Variants in ABI2 observed in about 807,000 individuals in gnomAD.
ABI2 encodes abelson interactor 2.
A neutral mutation model predicts 59.2 loss-of-function variants in ABI2; 25 were observed. That is an observed-to-expected ratio of 0.42 (90% CI 0.31 to 0.59). The LOEUF (loss-of-function observed/expected upper bound fraction) is 0.59. Among genes scored for constraint, ABI2 ranks in the 20% least tolerant of loss-of-function variants. The pLI is 0.14. For synonymous variants in ABI2, 213 were observed against 235.5 expected (o/e 0.90, Z 0.87); for missense variants, 545 against 681.8 (o/e 0.80, Z 2.23).
At chr2:203,394,461 T>A in intron 5 of ABI2, 1 of 472,074 alleles carries the variant, frequency 2.1e-6, no homozygotes. Context: ...TGAGAATAAA[T>A]GAACAAAATT....
intron 3 of ABI2, among the ~76,000 whole-genome samples, chr2:203,381,814 A>AT (rs1206681058): frequency 6.6e-6 from 1 of 152,160 alleles, no homozygotes; most frequent in African/African-American, 2.4e-5. Context: ...AAGTAATCCC[A>AT]TTTTTTTAAA....
chr2:203,362,840 C>CT (rs1489715298), intron 1 of ABI2, among the ~76,000 whole-genome samples: 2 of 150,428 alleles, frequency 1.3e-5, no homozygotes, highest in African/African-American at 4.9e-5. Flanking sequence ...ATTTTAAATA[C>CT]TTTTTTGTTT....
intron 1 of ABI2, among the ~76,000 whole-genome samples, chr2:203,342,668 C>T (rs954377544): frequency 2.0e-5 from 3 of 151,912 alleles, no homozygotes; most frequent in African/African-American, 7.2e-5. Context: ...CAGCCTCTGC[C>T]TCCTGGTCTC....
intron 2 of ABI2, 175 bp downstream of exon 2, chr2:203,367,219 C>G (rs966164479): frequency 1.2e-6 from 1 of 847,218 alleles, no homozygotes; most frequent in South Asian, 4.6e-5. Context: ...TGGTTATCTT[C>G]TCTGTGATTT....
intron 10 of ABI2, among the ~76,000 whole-genome samples, chr2:203,415,393 G>A (rs1225588406): frequency 5.3e-5 from 8 of 151,982 alleles, no homozygotes; most frequent in African/African-American, 1.5e-4. Flanking sequence ...CGAGGTGGGC[G>A]GATCACAGGG....
intron 1 of ABI2, among the ~76,000 whole-genome samples, chr2:203,344,991 A>T (rs991183805): frequency 6.6e-6 from 1 of 152,228 alleles, no homozygotes; most frequent in African/African-American, 2.4e-5. Flanking sequence ...ACCAATCAGT[A>T]GGACGTGGGC....
intron 1 of ABI2, among the ~76,000 whole-genome samples, chr2:203,360,328 T>A (rs1032893470): frequency 2.6e-5 from 4 of 152,150 alleles, no homozygotes; most frequent in African/African-American, 9.7e-5. Flanking sequence ...AGGTCGGTTA[T>A]CAATGATAAA....
At chr2:203,415,135 A>C (rs770967607) in intron 10 of ABI2, among the ~76,000 whole-genome samples, 8 of 152,370 alleles carry the variant, frequency 5.3e-5, no homozygotes, top group Non-Finnish European at 1.2e-4. Flanking sequence ...AGTATATGGT[A>C]AATCACATAT....
intron 2 of ABI2, among the ~76,000 whole-genome samples, chr2:203,373,308 C>G (rs932501434): frequency 6.6e-6 from 1 of 151,810 alleles, no homozygotes; most frequent in South Asian, 2.1e-4. Context: ...CAAAAAAGTA[C>G]GAAAACCAGT....
chr2:203,363,648 G>GCTTGTTTCA (rs1019241642), intron 1 of ABI2, among the ~76,000 whole-genome samples: 13 of 152,044 alleles, frequency 8.6e-5, no homozygotes, highest in Admixed American at 3.3e-4. Flanking sequence ...TCTGTGCCTG[G>GCTTGTTTCA]CTTGTTTCAC....
At position 203,353,208 on chromosome 2, in the gene ABI2, T is replaced by G. The variant is rs180938183; in HGVS notation, c.118-13669T>G. Among the ~76,000 whole-genome samples, 751 of 152,366 alleles carry G rather than the reference T, an allele frequency of 4.9e-3. 6 individuals carry two copies. The highest frequency in any genetic ancestry group is 0.017 in the Middle Eastern group (5 of 294). ...TGGAATTTGTAATTTTTTTTCAGAT[T>G]ACAATTATCATATAAAAATACAGTT... On this transcript the variant is annotated intron_variant, in intron 1 of 11. Transcript: ENST00000261018.
intron 7 of ABI2, among the ~76,000 whole-genome samples, 166 bp downstream of exon 7, chr2:203,395,946 T>C (rs571250756): frequency 1.3e-5 from 2 of 152,320 alleles, no homozygotes; most frequent in African/African-American, 4.8e-5. Context: ...GATTTGTAAG[T>C]GTTTGCTCAC....
rs1426944306 is a variant in ABI2 at position 203,334,939 on chromosome 2, C to T, written c.117+6308C>T. 4.6e-5 allele frequency among the ~76,000 whole-genome samples: 7 copies of T among 152,034 alleles called. No individual in the cohort carries two copies. The East Asian group carries it at 1.2e-3, about 25-fold the overall frequency. ...GCCTCCCAAAGTGCTGGGATTACAG[C>T]GTAAGCCACCGTGCCTGGCCTAGTT... On this transcript the variant is annotated intron_variant, in intron 1 of 11. Coordinates refer to ENST00000261018, the MANE Select transcript of ABI2 (RefSeq NM_001375670.1).
At chr2:203,393,946 A>T (rs187207038) in intron 5 of ABI2, among the ~76,000 whole-genome samples, 22 of 152,338 alleles carry the variant, frequency 1.4e-4, no homozygotes, top group Non-Finnish European at 3.1e-4. Context: ...TTTACGAGGA[A>T]ATTTTGGGAA....
intron 1 of ABI2, among the ~76,000 whole-genome samples, chr2:203,330,426 A>G (rs927252157): frequency 2.3e-4 from 34 of 150,886 alleles, no homozygotes; most frequent in African/African-American, 7.3e-4. Context: ...CACTTGCTCA[A>G]TTTTTCGCTA....
At chr2:203,390,977 C>A in intron 4 of ABI2, 69 bp from the exon 5 acceptor site, 3 of 1,168,134 alleles carry the variant, frequency 2.6e-6, no homozygotes, top group Non-Finnish European at 3.8e-6. Context: ...TGTAGTGTAG[C>A]ATATTATTTC....
rs1559313082 is a variant in ABI2, at chr2:203,392,312, C to CA, written c.578+1170dup. ...CCACCACCACCACCACCACCACCAC[C>CA]ACCAACAACAACAACAACAACAACA... On this transcript the variant is annotated intron_variant, in intron 5 of 11. Transcript: ENST00000261018. Among the ~76,000 whole-genome samples, 24 of 87,010 alleles carry CA rather than the reference C, an allele frequency of 2.8e-4. 1 individual carries two copies. Among genetic ancestry groups the CA allele is most frequent in the Middle Eastern group, 6.0e-3 (1 of 168 alleles). The allele number at this position is 87,010 out of a possible 152,430, so 57.1% of individuals were successfully genotyped here.
intron 10 of ABI2, among the ~76,000 whole-genome samples, chr2:203,413,533 T>C (rs184243360): frequency 6.6e-6 from 1 of 152,340 alleles, no homozygotes; most frequent in East Asian, 1.9e-4. Flanking sequence ...TCACAGTTGA[T>C]TGCCTTTTGG....
At chr2:203,331,808 CTTTTTTT>C (rs55695294) in intron 1 of ABI2, among the ~76,000 whole-genome samples, 3 of 121,972 alleles carry the variant, frequency 2.5e-5, no homozygotes, top group Non-Finnish European at 5.3e-5. Context: ...GCTCAGTGTT[CTTTTTTT>C]TTTTTTTTTT....
Sources: gnomAD v4.1 joint callset for allele counts (sites outside exome capture counted in the v4.1 genomes callset) on GRCh38, gnomAD v4.1.1 for gene constraint, MANE v1.5 for transcripts, NCBI Gene and HGNC (gene_info 2026-07-23, HGNC 2026-07-21) for gene names.